XCR1: variants seen among roughly 807,000 people sequenced by gnomAD.
The protein encoded by XCR1 is chemokine XC receptor 1.
For missense variants in XCR1, 356 were observed against 424.2 expected (o/e 0.84, Z 1.41); for synonymous variants, 187 against 188.5 (o/e 0.99, Z 0.06).
chr3:46,077,942 G>T (rs1465432088), intron 1 of XCR1, among the ~76,000 whole-genome samples: 2 of 152,120 alleles, frequency 1.3e-5, no homozygotes, highest in African/African-American at 4.8e-5. Flanking sequence ...GGGAGAGAAG[G>T]AAAGGGGCAA....
Position 46,058,272 on chromosome 3 carries a change from AC to A in XCR1, c.-182-4203del, listed in dbSNP as rs202143962. 4.6e-3 allele frequency among the ~76,000 whole-genome samples: 700 copies of A among 152,280 alleles called. 6 individuals are homozygous for A. The highest frequency in any genetic ancestry group is 0.016 in the African/African-American group (647 of 41,548). On this transcript the variant is annotated intron_variant, in intron 4 of 5. Coordinates refer to the XCR1 transcript ENST00000683768. ...AGGTTCTGGTGATCATGTATTTGAT[AC>A]CTTTGGGGCATTTAGTCAAAATAAG...
intron 1 of XCR1, among the ~76,000 whole-genome samples, chr3:46,084,298 G>A (rs1698432344): frequency 6.6e-6 from 1 of 152,184 alleles, no homozygotes; most frequent in Non-Finnish European, 1.5e-5. Flanking sequence ...AGAAAAATTT[G>A]TGATCAAAAG....
At chr3:46,061,368 C>T (rs1164113186) in intron 4 of XCR1, among the ~76,000 whole-genome samples, 3 of 152,154 alleles carry the variant, frequency 2.0e-5, no homozygotes, top group Admixed American at 2.0e-4. Context: ...TTGCTGAGCC[C>T]ATGCATAACT....
Position 46,018,446 on chromosome 3 carries a change from CTG to C in XCR1, c.*2498_*2499del, listed in dbSNP as rs1708081954. On this transcript the variant is annotated 3_prime_UTR_variant, in exon 2 of 2. Coordinates refer to ENST00000309285, the MANE Select transcript of XCR1 (RefSeq NM_001024644.2). ...CAAAATGTTAAGAATCAGTGTGAAA[CTG>C]TGTTTGAAAGATTAGGCCAACTAGA... 1.3e-5 allele frequency: 2 copies of C among 152,206 alleles called. No homozygotes were observed. The highest frequency in any genetic ancestry group is 4.1e-4 in the South Asian group (2 of 4,834). The allele number at this position is 152,206 out of a possible 1,614,324, so 9.4% of individuals were successfully genotyped here. A position where few individuals can be genotyped will look rare whatever the true frequency, so the allele number is the denominator to read the frequency against.
Position 46,021,284 on chromosome 3 carries a change from G to T in XCR1, c.664C>A (p.Arg222Ser), listed in dbSNP as rs201315141. ...LFRSRSKRRH[R>S]TVKLIFAIVV... ...ATGGCGAAGATGAGCTTGACCGTGC[G>T]GTGGCGCCGCTTGGAGCGTGAGCGG... The change falls in exon 2 of 2, where the codon CGC becomes AGC. Residue 222 changes from arginine to serine, a missense_variant. Physicochemically the swap from Arg to Ser is moderately radical, Grantham distance 110 (BLOSUM62 -1). Transcript: ENST00000309285. This position sits in a 1 kb window ranked among gnomAD's most constrained non-coding sequence, Gnocchi z 4.7. The T allele has an allele frequency of 6.2e-7, 1 of 1,614,198 alleles. No individual in the cohort carries two copies. The highest frequency in any genetic ancestry group is 1.6e-4 in the Middle Eastern group (1 of 6,062).
chr3:46,065,545 C>T (rs4490402), intron 4 of XCR1, among the ~76,000 whole-genome samples: 1 of 152,070 alleles, frequency 6.6e-6, no homozygotes, highest in Non-Finnish European at 1.5e-5. Flanking sequence ...TAAAATTCAC[C>T]GACTCCTGGG....
intron 5 of XCR1, among the ~76,000 whole-genome samples, chr3:46,046,803 T>G (rs988396632): frequency 6.6e-6 from 1 of 152,212 alleles, no homozygotes; most frequent in Non-Finnish European, 1.5e-5. Flanking sequence ...TCCAGTCTTC[T>G]AAAGAAGGCT....
intron 4 of XCR1, among the ~76,000 whole-genome samples, chr3:46,061,057 A>G (rs1697952364): frequency 2.6e-5 from 4 of 152,352 alleles, no homozygotes; most frequent in Admixed American, 2.0e-4. Context: ...TGGTATTATT[A>G]CTATTTTATT....
exon 2 of XCR1, among the ~76,000 whole-genome samples, chr3:46,076,866 G>A (rs1698269934): frequency 6.6e-6 from 1 of 152,194 alleles, no homozygotes; most frequent in African/African-American, 2.4e-5. Context: ...TGCCATAGGA[G>A]AAGTCAAGGA....
At chr3:46,066,223 T>G (rs1698069052) in intron 4 of XCR1, among the ~76,000 whole-genome samples, 1 of 137,806 alleles carries the variant, frequency 7.3e-6, no homozygotes, top group Admixed American at 7.1e-5. Context: ...CCTCCCTCGC[T>G]CTCTCTCTGC....
chr3:46,025,705 T>G (rs1708275175), intron 1 of XCR1, among the ~76,000 whole-genome samples: 1 of 152,186 alleles, frequency 6.6e-6, no homozygotes, highest in South Asian at 2.1e-4. Context: ...AAGAAAACTT[T>G]AGAACTAGAG....
chr3:46,063,665 G>A (rs72889717), intron 4 of XCR1, among the ~76,000 whole-genome samples: 18,637 of 152,092 alleles, frequency 0.12, 3,751 homozygotes, highest in African/African-American at 0.42. Context: ...AGCCTAACTC[G>A]ATGCCCACTG....
At chr3:46,072,386 G>T (rs201255294) in intron 3 of XCR1, among the ~76,000 whole-genome samples, 1 of 152,078 alleles carries the variant, frequency 6.6e-6, no homozygotes, top group East Asian at 1.9e-4. Context: ...TGGGCATGGT[G>T]GTGCACACCT....
chr3:46,057,663 G>A (rs376523063), intron 4 of XCR1, among the ~76,000 whole-genome samples: 8 of 152,192 alleles, frequency 5.3e-5, no homozygotes, highest in East Asian at 1.9e-4. Context: ...TAGGAGGCCC[G>A]ATTCCTCCTA....
intron 1 of XCR1, among the ~76,000 whole-genome samples, chr3:46,084,767 A>T (rs984048740): frequency 6.6e-6 from 1 of 152,224 alleles, no homozygotes. Flanking sequence ...ATAAAGACGG[A>T]AACCGTAGAC....
At chr3:46,023,156 G>C in intron 1 of XCR1, 1 of 390,814 alleles carries the variant, frequency 2.6e-6, no homozygotes, top group Non-Finnish European at 4.5e-6. Flanking sequence ...GGGCGGGCCC[G>C]TGGCGCGGGG....
At chr3:46,037,901 A>G (rs946781766) in intron 5 of XCR1, among the ~76,000 whole-genome samples, 6 of 152,226 alleles carry the variant, frequency 3.9e-5, no homozygotes, top group African/African-American at 1.2e-4. Flanking sequence ...GTACTAAGGT[A>G]CTTGTACGGG....
intron 4 of XCR1, among the ~76,000 whole-genome samples, chr3:46,055,041 C>G (rs1697829648): frequency 6.6e-6 from 1 of 152,184 alleles, no homozygotes; most frequent in Non-Finnish European, 1.5e-5. Flanking sequence ...TAAGTTATAT[C>G]CCTTGTTGCC....
chr3:46,063,384 C>T (rs1018791553), intron 4 of XCR1, among the ~76,000 whole-genome samples: 4 of 152,098 alleles, frequency 2.6e-5, no homozygotes, highest in East Asian at 1.9e-4. Context: ...CAGCCGTGGG[C>T]AGAGGAACAT....
Sources: allele counts gnomAD v4.1 joint callset (sites outside exome capture counted in the v4.1 genomes callset), GRCh38; gene constraint gnomAD v4.1.1; non-coding constraint Gnocchi (gnomAD v3.1); transcripts MANE v1.5; gene names NCBI Gene and HGNC (gene_info 2026-07-23, HGNC 2026-07-21).